The following EPAS1 variants were observed in gnomAD, a reference collection of about 807,000 sequenced individuals.
The protein encoded by EPAS1 is endothelial PAS domain protein 1, also known as endothelial PAS domain-containing protein 1.
EPAS1 carries 23 observed loss-of-function variants against 87.9 expected under a neutral mutation model. That is an observed-to-expected ratio of 0.26 (90% CI 0.19 to 0.37). The LOEUF is 0.37. EPAS1 is among the 10% of genes least tolerant of loss of function. The pLI is 1.00. For missense variants in EPAS1, 1,138 were observed against 1,120.7 expected, an observed-to-expected ratio of 1.02 and a Z score of -0.22; for synonymous variants, 508 against 444.3, an observed-to-expected ratio of 1.14 and a Z score of -1.80.
intron 1 of EPAS1, among the ~76,000 whole-genome samples, chr2:46,315,584 T>TCACA (rs772387854): frequency 2.0e-5 from 3 of 152,230 alleles, no homozygotes; most frequent in Non-Finnish European, 4.4e-5. Context: ...TCACTGGAGT[T>TCACA]CACACAGACT....
intron 1 of EPAS1, among the ~76,000 whole-genome samples, chr2:46,327,901 A>G (rs988715533): frequency 1.3e-5 from 2 of 152,152 alleles, no homozygotes; most frequent in African/African-American, 4.8e-5. Context: ...AGAGCTTAAT[A>G]TTGCCTCATG....
Position 46,371,773 on chromosome 2 carries a change from A to C in EPAS1, c.886+1840A>C, listed in dbSNP as rs1300698101. Among the ~76,000 whole-genome samples, 33 of 152,310 alleles carry C rather than the reference A, an allele frequency of 2.2e-4. No homozygotes were observed. The highest frequency in any genetic ancestry group is 1.5e-5 in the Non-Finnish European group (1 of 68,024). ...GATTCCCTAGGGCCTGGATTTCTGG[A>C]CCTTCCTGACTTTAGATGTAAAACT... On this transcript the variant is annotated intron_variant, in intron 7 of 15. Coordinates refer to ENST00000263734, the MANE Select transcript of EPAS1 (RefSeq NM_001430.5). The surrounding 1 kb of genome is among the most constrained non-coding windows in gnomAD (Gnocchi z 4.3).
At chr2:46,355,177 G>A (rs1684245279) in intron 2 of EPAS1, among the ~76,000 whole-genome samples, 1 of 152,148 alleles carries the variant, frequency 6.6e-6, no homozygotes, top group Admixed American at 6.5e-5. Context: ...GCAATTTGAG[G>A]GTAGTGCATG....
chr2:46,376,603 C>CTGA lies in EPAS1; in HGVS notation c.1102_1104dup (p.Met368dup). The CTGA allele has an allele frequency of 6.2e-7, 1 of 1,614,194 alleles. No homozygotes were observed. The highest frequency in any genetic ancestry group is 1.1e-5 in the South Asian group (1 of 91,076). On this transcript the variant is annotated inframe_insertion, in exon 9 of 16. Coordinates refer to ENST00000263734, the MANE Select transcript of EPAS1 (RefSeq NM_001430.5). ...GACTGAATCCCTGTTCAAGCCCCAC[C>CTGA]TGATGGCCATGAACAGCATCTTTGA... is the stretch of plus-strand genomic sequence containing the variant.
intron 1 of EPAS1, among the ~76,000 whole-genome samples, chr2:46,302,734 G>GAAAAAAAAAAAAAAAAAAAA: frequency 8.4e-6 from 1 of 119,540 alleles, no homozygotes; most frequent in Non-Finnish European, 1.7e-5. Flanking sequence ...GTCTGATTAG[G>GAAAAAAAAAAAAAAAAAAAA]AAAAAAAAAA....
chr2:46,383,916 G>A lies in EPAS1; in HGVS notation c.2462-593G>A, dbSNP rs558594572. Among the ~76,000 whole-genome samples, 8 of 152,250 alleles carry A rather than the reference G, an allele frequency of 5.3e-5. No individual in the cohort carries two copies. The East Asian group carries it at 1.4e-3, about 26-fold the overall frequency. On this transcript the variant is annotated intron_variant, in intron 15 of 15. Coordinates refer to ENST00000263734, the MANE Select transcript of EPAS1 (RefSeq NM_001430.5). ...GGAAGGTGGGTGGGCATCTCCCATC[G>A]GAGGGGCAGAATGCAGGGCTTCCAG...
intron 6 of EPAS1, among the ~76,000 whole-genome samples, chr2:46,364,831 C>G (rs1558603874): frequency 6.6e-6 from 1 of 152,134 alleles, no homozygotes; most frequent in Non-Finnish European, 1.5e-5. Flanking sequence ...CAACCAGTTA[C>G]GAACTGTCAT....
At position 46,347,886 on chromosome 2, in the gene EPAS1, T is replaced by A. The variant is rs1438264837; in HGVS notation, c.217+823T>A. Among the ~76,000 whole-genome samples the A allele has an allele frequency of 6.6e-6, 1 of 152,040 alleles. No individual in the cohort carries two copies. Among genetic ancestry groups the A allele is most frequent in the Non-Finnish European group, 1.5e-5 (1 of 67,998 alleles). Reference sequence around the variant, plus strand: ...TTCTGTAAGGACGCTGGGCAACGAGTTGTGCTCCTCCCCACCTGGTCTGGT... The same window carrying A: ...TTCTGTAAGGACGCTGGGCAACGAGATGTGCTCCTCCCCACCTGGTCTGGT... On this transcript the variant is annotated intron_variant, in intron 2 of 15. Coordinates refer to ENST00000263734, the MANE Select transcript of EPAS1 (RefSeq NM_001430.5). This position sits in a 1 kb window ranked among gnomAD's most constrained non-coding sequence, Gnocchi z 4.2.
At chr2:46,382,731 C>T in intron 15 of EPAS1, 133 bp downstream of exon 15, 1 of 1,190,340 alleles carries the variant, frequency 8.4e-7, no homozygotes, top group South Asian at 1.3e-5. Context: ...CTATACAGGG[C>T]TCAGGTCTCC....
rs1683102784 is a variant in EPAS1, at chr2:46,305,929, T to C, written c.26+7992T>C. ...CCCCAGAAGCAGGGGGTACAGCCAA[T>C]AGTATTCTTAGAAGTTAATCAATTC... On this transcript the variant is annotated intron_variant, in intron 1 of 15. Transcript: ENST00000263734. 2.0e-5 allele frequency among the ~76,000 whole-genome samples: 3 copies of C among 152,286 alleles called. No homozygotes were observed. In the South Asian group the frequency reaches 6.2e-4, roughly 32 times the overall value.
Position 46,377,897 on chromosome 2 carries a change from A to G in EPAS1, c.1253A>G (p.Asn418Ser), listed in dbSNP as rs1684792005. The stretch of plus-strand genomic sequence containing the variant: ...TCCCAGGCCCTTGTCTCCACAGGGA[A>G]TCAGAACTTCGAGGAGTCCTCAGCC... ...GDAIISLDFG[N>S]QNFEESSAYG... The change falls in exon 10 of 16, where the codon AAT (asparagine) becomes AGT (serine). Residue 418 changes from asparagine (N) to serine (S), a missense_variant. Around this residue, in one of 4 missense-constraint regions of EPAS1, gnomAD observed 284 missense variants for 258.4 expected, o/e 1.10. Coordinates refer to ENST00000263734, the MANE Select transcript of EPAS1 (RefSeq NM_001430.5). 6.4e-7 allele frequency: 1 copy of G among 1,552,156 alleles called. No homozygotes were observed.
chr2:46,355,885 C>T (rs1444171201), intron 2 of EPAS1, among the ~76,000 whole-genome samples: 1 of 152,214 alleles, frequency 6.6e-6, no homozygotes, highest in Non-Finnish European at 1.5e-5. Context: ...ACCACTCACA[C>T]AGCAGCTCCT....
chr2:46,380,524 C>T lies in EPAS1; in HGVS notation c.1852C>T (p.Pro618Ser), dbSNP rs1259062822. ...TGATGCCGGAAGCAAAGCATCCCTG[C>T]CACCGTGCTGTGGCCAGGCCAGCAC... ...FFDAGSKASL[P>S]PCCGQASTPL... The change falls in exon 12 of 16, where the codon CCA becomes TCA. Residue 618 changes from proline (P) to serine (S), a missense_variant. By Grantham distance (74) the Pro-to-Ser change is moderately conservative. Transcript: ENST00000263734. The surrounding 1 kb of genome is among the most constrained non-coding windows in gnomAD (Gnocchi z 4.4). 1 of 1,614,080 alleles carries T rather than the reference C, an allele frequency of 6.2e-7. No homozygotes were observed. The highest frequency in any genetic ancestry group is 8.5e-7 in the Non-Finnish European group (1 of 1,180,046).
intron 1 of EPAS1, among the ~76,000 whole-genome samples, chr2:46,304,543 A>C (rs1352055842): frequency 6.6e-6 from 1 of 152,052 alleles, no homozygotes; most frequent in African/African-American, 2.4e-5. Context: ...TATCACTTGC[A>C]TCAAACCTCA....
chr2:46,354,535 T>C (rs1307919963), intron 2 of EPAS1, among the ~76,000 whole-genome samples: 1 of 150,880 alleles, frequency 6.6e-6, no homozygotes, highest in Non-Finnish European at 1.5e-5. Flanking sequence ...CGAGTCTATA[T>C]TTTTCAGATA....
At chr2:46,359,257 CAAAAAAAAAAAA>C (rs57351888) in intron 4 of EPAS1, among the ~76,000 whole-genome samples, 2 of 25,092 alleles carry the variant, frequency 8.0e-5, no homozygotes, top group South Asian at 2.3e-3. Context: ...GATTCTGTCT[CAAAAAAAAAAAA>C]AAAAAAAAAA....
rs1269945046 is a variant in EPAS1 at position 46,384,927 on chromosome 2, CT to C, written c.*269del. 1 of 497,640 alleles carries C rather than the reference CT, an allele frequency of 2.0e-6. No homozygotes were observed. Among genetic ancestry groups the C allele is most frequent in the Non-Finnish European group, 3.7e-6 (1 of 273,284 alleles). 30.8% of individuals were successfully genotyped at this position (497,640 alleles called of 1,614,324 possible). A position where few individuals can be genotyped will look rare whatever the true frequency, so the allele number is the denominator to read the frequency against. ...TTTTTTTCCTCCCCACCTTCAATGACTTCTAATTTATATTATCCATAGGTTT... is the reference window on the plus strand; with the variant it reads ...TTTTTTTCCTCCCCACCTTCAATGACTCTAATTTATATTATCCATAGGTTT... On this transcript the variant is annotated 3_prime_UTR_variant, in exon 16 of 16. Transcript: ENST00000263734.
At chr2:46,315,903 A>G (rs535923317) in intron 1 of EPAS1, among the ~76,000 whole-genome samples, 41 of 152,334 alleles carry the variant, frequency 2.7e-4, no homozygotes, top group Middle Eastern at 3.4e-3. Context: ...TCTCCTGTAA[A>G]ATTATTTTTA....
chr2:46,348,790 A>C (rs1290374860), intron 2 of EPAS1, among the ~76,000 whole-genome samples: 2 of 152,230 alleles, frequency 1.3e-5, no homozygotes, highest in African/African-American at 4.8e-5. Flanking sequence ...TCCCTAACCC[A>C]AAAATCTGAA....
Sources: gnomAD v4.1 joint callset for allele counts (sites outside exome capture counted in the v4.1 genomes callset) on GRCh38, gnomAD v4.1.1 for gene constraint, gnomAD v4.1.1 regional missense constraint, Gnocchi (gnomAD v3.1) non-coding constraint, MANE v1.5 for transcripts, NCBI Gene and HGNC (gene_info 2026-07-23, HGNC 2026-07-21) for gene names.